Variants in SHISA9 observed in about 807,000 individuals in gnomAD.
The protein encoded by SHISA9 is shisa family member 9.
SHISA9 carries 13 observed loss-of-function variants against 38.0 expected under a neutral mutation model. The ratio of observed to expected loss-of-function variants is 0.34; its 90% confidence interval spans 0.22 to 0.54. SHISA9 has a LOEUF of 0.54. Among genes scored for constraint, SHISA9 ranks in the 20% least tolerant of loss-of-function variants. The pLI, the probability that SHISA9 is intolerant of heterozygous loss-of-function variation, is 0.91. For synonymous variants in SHISA9, 275 were observed against 242.0 expected (o/e 1.14, Z -1.27); for missense variants, 538 against 575.8 (o/e 0.93, Z 0.67).
intron 2 of SHISA9, among the ~76,000 whole-genome samples, chr16:12,921,986 G>A (rs1293592393): frequency 6.6e-6 from 1 of 152,160 alleles, no homozygotes; most frequent in African/African-American, 2.4e-5. Flanking sequence ...GGAAACTGAG[G>A]CTCAGAGTGG....
At chr16:13,268,622 T>C in the SHISA9 span, among the ~76,000 whole-genome samples, 642 of 152,272 alleles carry the variant, frequency 4.2e-3, no homozygotes, top group Non-Finnish European at 7.2e-3. Flanking sequence ...CACTTCTCCG[T>C]AGTGTTAATG....
intron 4 of SHISA9, among the ~76,000 whole-genome samples, chr16:13,228,452 A>G (rs1166095870): frequency 4.6e-5 from 7 of 152,192 alleles, no homozygotes; most frequent in African/African-American, 1.4e-4. Flanking sequence ...TGCTTAACTC[A>G]TAATTTATTT....
At chr16:13,414,380 G>A in the SHISA9 span, among the ~76,000 whole-genome samples, 4 of 152,144 alleles carry the variant, frequency 2.6e-5, no homozygotes, top group African/African-American at 9.7e-5. Flanking sequence ...TCCAGCAGAT[G>A]AGTAAGTTCT....
At chr16:13,012,413 G>A (rs2072689639) in intron 2 of SHISA9, among the ~76,000 whole-genome samples, 1 of 152,232 alleles carries the variant, frequency 6.6e-6, no homozygotes, top group East Asian at 1.9e-4. Flanking sequence ...GTGAGTGCAA[G>A]GGCCCTGAGG....
At chr16:13,132,768 C>A (rs1180731494) in intron 2 of SHISA9, among the ~76,000 whole-genome samples, 1 of 152,146 alleles carries the variant, frequency 6.6e-6, no homozygotes, top group African/African-American at 2.4e-5. Flanking sequence ...GAGTGAGACC[C>A]TCTCACTGAT....
chr16:12,990,358 C>T (rs1173003448), intron 2 of SHISA9, among the ~76,000 whole-genome samples: 1 of 152,196 alleles, frequency 6.6e-6, no homozygotes. Context: ...GGAATCACCA[C>T]ACTGTCTTCC....
intron 2 of SHISA9, among the ~76,000 whole-genome samples, chr16:13,172,855 G>A (rs895905838): frequency 1.6e-4 from 24 of 151,026 alleles, no homozygotes; most frequent in Non-Finnish European, 2.9e-4. Flanking sequence ...TTGAAACGCC[G>A]AATAATGTAT....
chr16:13,019,990 T>TCCTTCCTTCCTTCCTTCCTTCCTA (rs1211113416), intron 2 of SHISA9, among the ~76,000 whole-genome samples: 1 of 130,908 alleles, frequency 7.6e-6, no homozygotes. Context: ...CTTCCTTCCT[T>TCCTTCCTTCCTTCCTTCCTTCCTA]CCTTCCTTCC....
At chr16:13,439,443 A>G in the SHISA9 span, among the ~76,000 whole-genome samples, 1 of 152,214 alleles carries the variant, frequency 6.6e-6, no homozygotes. Flanking sequence ...TCATTTCACA[A>G]CATATACATG....
At chr16:13,371,622 A>G in the SHISA9 span, among the ~76,000 whole-genome samples, 1 of 152,242 alleles carries the variant, frequency 6.6e-6, no homozygotes, top group African/African-American at 2.4e-5. Context: ...TTAAGGATAA[A>G]GAAAAAAGAG....
At chr16:13,437,238 T>C in the SHISA9 span, among the ~76,000 whole-genome samples, 1 of 152,046 alleles carries the variant, frequency 6.6e-6, no homozygotes, top group African/African-American at 2.4e-5. Flanking sequence ...TCTGGGGGGA[T>C]TGGTTGCCAT....
At chr16:13,323,572 T>C in the SHISA9 span, among the ~76,000 whole-genome samples, 3 of 152,134 alleles carry the variant, frequency 2.0e-5, no homozygotes, top group Admixed American at 6.5e-5. Flanking sequence ...TGCTTGAGAC[T>C]GTGTCATCTA....
intron 2 of SHISA9, among the ~76,000 whole-genome samples, chr16:13,117,558 GT>G (rs2141973822): frequency 6.6e-6 from 1 of 152,234 alleles, no homozygotes; most frequent in African/African-American, 2.4e-5. Context: ...GCTAGCAATT[GT>G]TCTAGAACAG....
the SHISA9 span, among the ~76,000 whole-genome samples, chr16:13,530,628 GACA>G: frequency 1.3e-5 from 2 of 151,800 alleles, no homozygotes; most frequent in South Asian, 2.1e-4. Context: ...GGTTGACTGT[GACA>G]ACACCACCTA....
intron 2 of SHISA9, among the ~76,000 whole-genome samples, chr16:12,920,552 A>G (rs978829811): frequency 6.6e-6 from 1 of 152,208 alleles, no homozygotes; most frequent in African/African-American, 2.4e-5. Context: ...TGGATGCCCC[A>G]TTCTCCATGA....
chr16:12,978,206 A>G (rs984904555), intron 2 of SHISA9, among the ~76,000 whole-genome samples: 1 of 152,220 alleles, frequency 6.6e-6, no homozygotes, highest in Non-Finnish European at 1.5e-5. Context: ...CCCTACCATC[A>G]TCTACCAAAA....
At chr16:13,249,232 C>T in the SHISA9 span, among the ~76,000 whole-genome samples, 57 of 152,174 alleles carry the variant, frequency 3.7e-4, no homozygotes, top group East Asian at 0.011. Context: ...ATGAGTTTTC[C>T]TTGGTTCATA....
intron 2 of SHISA9, among the ~76,000 whole-genome samples, chr16:13,156,801 G>A (rs772000456): frequency 4.6e-5 from 7 of 151,784 alleles, no homozygotes; most frequent in South Asian, 4.2e-4. Flanking sequence ...GCACACCTGC[G>A]GGATTACATT....
rs1259090515 is a variant in SHISA9 at position 13,235,142 on chromosome 16, C to T, written c.1008C>T (p.Phe336=). The change falls in exon 5 of 5, where the codon TTC becomes TTT. Residue 336 remains phenylalanine, a synonymous_variant. Transcript: ENST00000558583. The part of the protein sequence containing the change: ...PVRVEDEPRA[F]SPEHGPAKQN... Reference sequence around the variant, plus strand: ...GAGTGGAGGACGAGCCCCGGGCCTTCAGCCCTGAGCACGGTCCTGCCAAGC... The same window carrying T: ...GAGTGGAGGACGAGCCCCGGGCCTTTAGCCCTGAGCACGGTCCTGCCAAGC... 2 of 1,551,646 alleles carry T rather than the reference C, an allele frequency of 1.3e-6. No homozygotes were observed. Among genetic ancestry groups the T allele is most frequent in the Admixed American group, 2.0e-5 (1 of 50,984 alleles).
Sources: gnomAD v4.1 joint callset for allele counts (sites outside exome capture counted in the v4.1 genomes callset) on GRCh38, gnomAD v4.1.1 for gene constraint, MANE v1.5 for transcripts, NCBI Gene and HGNC (gene_info 2026-07-23, HGNC 2026-07-21) for gene names.